Variants in RYR2 observed in about 807,000 individuals in gnomAD.
The protein encoded by RYR2 is cardiac muscle ryanodine receptor-calcium release channel.
RYR2 carries 227 observed loss-of-function variants against 601.1 expected under a neutral mutation model. The ratio of observed to expected loss-of-function variants is 0.38; its 90% confidence interval spans 0.34 to 0.42. The LOEUF is 0.42. Among genes scored for constraint, RYR2 ranks in the 10% least tolerant of loss-of-function variants. The pLI is 1.00. For synonymous variants in RYR2, 2,223 were observed against 2,175.1 expected, an observed-to-expected ratio of 1.02 and a Z score of -0.61; for missense variants, 4,646 against 6,156.5, an observed-to-expected ratio of 0.75 and a Z score of 8.21.
rs780262324 is a variant in RYR2 at position 237,196,037 on chromosome 1, T to C, written c.49-74460T>C. Among the ~76,000 whole-genome samples the C allele has an allele frequency of 1.1e-3, 173 of 152,336 alleles. 1 individual carries two copies. Among genetic ancestry groups the C allele is most frequent in the Non-Finnish European group, 1.9e-3 (131 of 68,024 alleles). ...TTGAAGAGTTCCTGAAAGAAATTCA[T>C]GCGACCTTTTAAGGACATCGTAGCA... On this transcript the variant is annotated intron_variant, in intron 1 of 104. Transcript: ENST00000366574.
intron 99 of RYR2, among the ~76,000 whole-genome samples, chr1:237,808,214 C>A (rs1486873985): frequency 1.3e-5 from 2 of 152,074 alleles, no homozygotes; most frequent in Non-Finnish European, 2.9e-5. Context: ...TTATATTATA[C>A]CTTATTACTA....
At chr1:237,617,237 A>T in intron 37 of RYR2, 49 bp from the exon 38 acceptor site, 1 of 1,477,544 alleles carries the variant, frequency 6.8e-7, no homozygotes, top group Non-Finnish European at 9.2e-7. Flanking sequence ...CATACACATT[A>T]TTAAAGGATT....
chr1:237,812,719 GTCT>G (rs1026657400), intron 100 of RYR2, among the ~76,000 whole-genome samples: 15 of 152,060 alleles, frequency 9.9e-5, no homozygotes, highest in African/African-American at 1.9e-4. Context: ...ACATTTGCTA[GTCT>G]TCTTCTCCGA....
chr1:237,631,334 A>G (rs1311335678), intron 41 of RYR2, 93 bp from the exon 42 acceptor site: 2 of 770,630 alleles, frequency 2.6e-6, no homozygotes, highest in South Asian at 1.7e-5. Context: ...TTTTCAACTC[A>G]CATAAATTAT....
At chr1:237,655,253 C>T (rs1683130070) in intron 52 of RYR2, among the ~76,000 whole-genome samples, 1 of 151,988 alleles carries the variant, frequency 6.6e-6, no homozygotes, top group Non-Finnish European at 1.5e-5. Context: ...TATTATTTTT[C>T]AGAAAATCTA....
chr1:237,357,635 A>G (rs1699414764), intron 4 of RYR2, among the ~76,000 whole-genome samples: 1 of 151,766 alleles, frequency 6.6e-6, no homozygotes, highest in Admixed American at 6.6e-5. Flanking sequence ...ATTTGTATTA[A>G]GTTTATTTGT....
intron 1 of RYR2, among the ~76,000 whole-genome samples, chr1:237,063,129 C>G (rs1663093283): frequency 6.6e-6 from 1 of 152,006 alleles, no homozygotes; most frequent in South Asian, 2.1e-4. Context: ...TGAGAGAGCT[C>G]TCTTGCTCTA....
chr1:237,451,853 AT>A (rs1383732070), intron 14 of RYR2, among the ~76,000 whole-genome samples: 2 of 151,732 alleles, frequency 1.3e-5, no homozygotes, highest in Non-Finnish European at 2.9e-5. Flanking sequence ...TAATTTAAAA[AT>A]TTTTACCTTT....
intron 1 of RYR2, among the ~76,000 whole-genome samples, chr1:237,096,879 T>G (rs925253717): frequency 6.6e-6 from 1 of 152,128 alleles, no homozygotes; most frequent in African/African-American, 2.4e-5. Flanking sequence ...GCCTCCTAAA[T>G]TGTATTGAAT....
At chr1:237,332,046 TGTA>T (rs1259386992) in intron 3 of RYR2, among the ~76,000 whole-genome samples, 6 of 152,158 alleles carry the variant, frequency 3.9e-5, no homozygotes, top group Non-Finnish European at 8.8e-5. Context: ...TTTAATAAAG[TGTA>T]GTATTTCCAG....
Position 237,633,562 on chromosome 1 carries a change from C to T in RYR2, c.6556-16C>T, listed in dbSNP as rs1160418526. 1.9e-6 allele frequency: 3 copies of T among 1,613,486 alleles called. No homozygotes were observed. Among genetic ancestry groups the T allele is most frequent in the African/African-American group, 2.7e-5 (2 of 75,026 alleles). On this transcript the variant is annotated splice_polypyrimidine_tract_variant and intron_variant, in intron 42 of 104. Coordinates refer to ENST00000366574, the MANE Select transcript of RYR2 (RefSeq NM_001035.3). ...GTCGTTTGCTTTCAGCAGCTAATGA[C>T]ATGCTTTATCTGTAGGAAATCACCT...
At chr1:237,266,776 C>T (rs994640949) in intron 1 of RYR2, among the ~76,000 whole-genome samples, 27 of 151,750 alleles carry the variant, frequency 1.8e-4, no homozygotes, top group African/African-American at 6.6e-4. Context: ...TAGCCTCTCT[C>T]CTTGGTGGTA....
chr1:237,255,838 AGT>A (rs4006354), intron 1 of RYR2, among the ~76,000 whole-genome samples: 5,734 of 142,886 alleles, frequency 0.04, 135 homozygotes, highest in Middle Eastern at 0.059. Context: ...TTGCTATACC[AGT>A]GTGTGTGTGT....
intron 22 of RYR2, among the ~76,000 whole-genome samples, chr1:237,504,602 T>A (rs576950689): frequency 5.3e-5 from 8 of 152,308 alleles, no homozygotes; most frequent in African/African-American, 1.9e-4. Context: ...GACAATACTT[T>A]TAAAAATAGG....
At chr1:237,330,848 C>T (rs771824576) in intron 2 of RYR2, 30 bp from the exon 3 acceptor site, 2 of 1,550,788 alleles carry the variant, frequency 1.3e-6, no homozygotes, top group Non-Finnish European at 1.8e-6. Context: ...GAAGATGATG[C>T]TGCTGACTGC....
intron 12 of RYR2, among the ~76,000 whole-genome samples, chr1:237,425,726 T>G (rs562805311): frequency 1.9e-4 from 29 of 151,948 alleles, no homozygotes; most frequent in African/African-American, 6.8e-4. Context: ...TTTCATGTTG[T>G]GTAGGCTGAG....
chr1:237,539,279 G>T (rs530064754), intron 25 of RYR2, among the ~76,000 whole-genome samples: 8 of 152,182 alleles, frequency 5.3e-5, no homozygotes, highest in Non-Finnish European at 1.0e-4. Flanking sequence ...CTGAGTGCCA[G>T]GGTTTTATAT....
chr1:237,270,679 T>G, intron 2 of RYR2, 63 bp downstream of exon 2: 1 of 1,507,778 alleles, frequency 6.6e-7, no homozygotes, highest in Admixed American at 2.0e-5. Flanking sequence ...TTGAAGTTAT[T>G]TATGAGCTCT....
chr1:237,084,987 C>T (rs1666150468), intron 1 of RYR2, among the ~76,000 whole-genome samples: 1 of 152,234 alleles, frequency 6.6e-6, no homozygotes, highest in Non-Finnish European at 1.5e-5. Flanking sequence ...ACCAAATTCA[C>T]ATCGGCTTTT....
Sources: allele counts gnomAD v4.1 joint callset (sites outside exome capture counted in the v4.1 genomes callset), GRCh38; gene constraint gnomAD v4.1.1; transcripts MANE v1.5; gene names NCBI Gene and HGNC (gene_info 2026-07-23, HGNC 2026-07-21).